Variants in SAMMSON observed in about 807,000 individuals in gnomAD.
SAMMSON encodes survival associated mitochondrial melanoma specific oncogenic non-coding RNA.
At chr3:70,042,489 A>T (rs898999412) in intron 3 of SAMMSON, among the ~76,000 whole-genome samples, 4 of 152,166 alleles carry the variant, frequency 2.6e-5, no homozygotes, top group African/African-American at 7.2e-5. Context: ...TTACTTTTTA[A>T]AAAAACCTTT....
chr3:70,329,234 C>T (rs1262474395), intron 7 of SAMMSON, among the ~76,000 whole-genome samples: 1 of 152,002 alleles, frequency 6.6e-6, no homozygotes, highest in Non-Finnish European at 1.5e-5. Context: ...AAGGATTAAC[C>T]ATATATCTTT....
chr3:70,055,003 T>C (rs1423459261), intron 3 of SAMMSON, among the ~76,000 whole-genome samples: 1 of 152,180 alleles, frequency 6.6e-6, no homozygotes, highest in African/African-American at 2.4e-5. Context: ...TATTTGATGA[T>C]GTCAAGGAAT....
intron 6 of SAMMSON, among the ~76,000 whole-genome samples, chr3:70,251,688 C>T (rs1278579941): frequency 9.9e-5 from 15 of 152,054 alleles, no homozygotes; most frequent in Non-Finnish European, 7.4e-5. Flanking sequence ...CTTTTAATGG[C>T]AAAACCCGCA....
rs112020608 is a variant in SAMMSON at position 70,294,296 on chromosome 3, T to C, written n.739+3053T>C. Among the ~76,000 whole-genome samples, 25 of 152,284 alleles carry C rather than the reference T, an allele frequency of 1.6e-4. 1 individual carries two copies. Among genetic ancestry groups the C allele is most frequent in the African/African-American group, 5.5e-4 (23 of 41,580 alleles). On this transcript the variant is annotated intron_variant and non_coding_transcript_variant, in intron 7 of 9. Transcript: ENST00000642114. ...TTTTCTTTTTTGCTAATGAAACCTG[T>C]TCACCCTAGGTCATGAATAGACCTT...
At chr3:70,199,491 C>T (rs1320060406) in intron 4 of SAMMSON, among the ~76,000 whole-genome samples, 1 of 152,090 alleles carries the variant, frequency 6.6e-6, no homozygotes, top group Non-Finnish European at 1.5e-5. Flanking sequence ...CTAAGTCAGT[C>T]CTTTTTATTT....
At chr3:70,233,766 G>A (rs1701584171) in intron 4 of SAMMSON, among the ~76,000 whole-genome samples, 1 of 152,074 alleles carries the variant, frequency 6.6e-6, no homozygotes, top group African/African-American at 2.4e-5. Flanking sequence ...TTTTGGTCAA[G>A]ATTTCACACA....
chr3:70,374,862 T>C (rs1702999295), intron 9 of SAMMSON, among the ~76,000 whole-genome samples: 1 of 152,168 alleles, frequency 6.6e-6, no homozygotes, highest in Non-Finnish European at 1.5e-5. Context: ...AGTTTCTGTC[T>C]TGCTAAATTG....
intron 4 of SAMMSON, among the ~76,000 whole-genome samples, chr3:70,181,620 G>A (rs1037074384): frequency 6.6e-6 from 1 of 152,116 alleles, no homozygotes; most frequent in African/African-American, 2.4e-5. Flanking sequence ...CACCATTGTG[G>A]GACTGTTTAT....
intron 4 of SAMMSON, among the ~76,000 whole-genome samples, chr3:70,176,686 C>T (rs1167290319): frequency 6.6e-6 from 1 of 152,162 alleles, no homozygotes; most frequent in Non-Finnish European, 1.5e-5. Flanking sequence ...TACTCTAATA[C>T]ACCTATCATT....
chr3:70,246,532 C>A (rs1157311198), intron 4 of SAMMSON, among the ~76,000 whole-genome samples: 1 of 151,976 alleles, frequency 6.6e-6, no homozygotes, highest in Non-Finnish European at 1.5e-5. Flanking sequence ...ACACGAGATG[C>A]ACAATTTAAT....
intron 4 of SAMMSON, among the ~76,000 whole-genome samples, chr3:70,225,692 T>C (rs1329685664): frequency 6.6e-6 from 1 of 152,234 alleles, no homozygotes; most frequent in Non-Finnish European, 1.5e-5. Context: ...TTAGTGTTTC[T>C]TGAACACCCC....
At chr3:70,011,420 C>A (rs562968719) in intron 1 of SAMMSON, among the ~76,000 whole-genome samples, 1 of 151,996 alleles carries the variant, frequency 6.6e-6, no homozygotes, top group South Asian at 2.1e-4. Flanking sequence ...TTTAGGGCCC[C>A]TCTTCTCAGC....
chr3:70,185,068 T>C (rs895306571), intron 4 of SAMMSON, among the ~76,000 whole-genome samples: 6 of 152,226 alleles, frequency 3.9e-5, no homozygotes, highest in African/African-American at 1.2e-4. Context: ...GTATCCCAAA[T>C]AGAAACACTG....
At chr3:70,226,617 A>T (rs1031392899) in intron 4 of SAMMSON, among the ~76,000 whole-genome samples, 7 of 151,848 alleles carry the variant, frequency 4.6e-5, no homozygotes, top group Non-Finnish European at 1.0e-4. Context: ...GGGTGCCTGT[A>T]ATCCCAGCTT....
At chr3:70,178,871 C>G (rs1379429802) in intron 4 of SAMMSON, among the ~76,000 whole-genome samples, 1 of 151,818 alleles carries the variant, frequency 6.6e-6, no homozygotes, top group Non-Finnish European at 1.5e-5. Context: ...ATTAGCTGGG[C>G]GGGTGGCATT....
intron 4 of SAMMSON, among the ~76,000 whole-genome samples, chr3:70,228,151 C>G (rs1701526324): frequency 6.6e-6 from 1 of 151,826 alleles, no homozygotes; most frequent in South Asian, 2.1e-4. Context: ...TAAGAGTTGT[C>G]TTTACTGTCC....
At chr3:70,432,054 A>G (rs529031104) in intron 2 of SAMMSON, among the ~76,000 whole-genome samples, 5 of 152,020 alleles carry the variant, frequency 3.3e-5, no homozygotes, top group African/African-American at 7.2e-5. Flanking sequence ...TTGTATGAAC[A>G]TATGTTTTTA....
chr3:70,219,959 G>A (rs1701447772), intron 4 of SAMMSON, among the ~76,000 whole-genome samples: 1 of 152,220 alleles, frequency 6.6e-6, no homozygotes, highest in Middle Eastern at 3.4e-3. Flanking sequence ...CAATTTCTGA[G>A]AGTGTGCTCC....
In SAMMSON at chr3:70,266,974, T is replaced by C. The variant is rs559130871; in HGVS notation, n.674+17304T>C. Among the ~76,000 whole-genome samples, 12 of 152,288 alleles carry C rather than the reference T, an allele frequency of 7.9e-5. No homozygotes were observed. In the South Asian group the frequency reaches 2.3e-3, roughly 29 times the overall value. ...GCTGAGGAGCCTTCACATATGAACA[T>C]GCTTGGATGGAGACTGCCAACATTT... is the stretch of plus-strand genomic sequence containing the variant. On this transcript the variant is annotated intron_variant and non_coding_transcript_variant, in intron 6 of 9. Transcript: ENST00000642114.
Sources: allele counts gnomAD v4.1 joint callset (sites outside exome capture counted in the v4.1 genomes callset), GRCh38; gene constraint gnomAD v4.1.1; transcripts MANE v1.5; gene names NCBI Gene and HGNC (gene_info 2026-07-23, HGNC 2026-07-21).